The following EMC10 variants were observed in gnomAD, a reference collection of about 807,000 sequenced individuals.
The protein encoded by EMC10 is UPF0510 protein INM02.
Under a neutral mutation model 32.2 loss-of-function variants are expected in EMC10, and 40 were observed. The observed-to-expected ratio is 1.24, with a 90% CI of 0.96 to 1.61. The LOEUF (loss-of-function observed/expected upper bound fraction) is 1.61, where lower values mean the gene tolerates loss of function less well. Among genes scored for constraint, EMC10 ranks in the 40% most tolerant of loss-of-function variants. The probability of loss-of-function intolerance (pLI) is 0.00; values close to 1 mark genes in which losing one functional copy is unlikely to be tolerated. For missense variants in EMC10, 402 were observed against 357.7 expected (o/e 1.12, Z -1.00); for synonymous variants, 178 against 158.4 (o/e 1.12, Z -0.93).
Position 50,483,905 on chromosome 19 carries a change from A to G in EMC10, c.*1646A>G, listed in dbSNP as rs1402068257. The G allele has an allele frequency of 6.6e-6, 1 of 150,966 alleles. No individual in the cohort carries two copies. The highest frequency in any genetic ancestry group is 2.4e-5 in the African/African-American group (1 of 40,982). 9.4% of individuals were successfully genotyped at this position (150,966 alleles called of 1,614,324 possible). A position where few individuals can be genotyped will look rare whatever the true frequency, so the allele number is the denominator to read the frequency against. The stretch of plus-strand genomic sequence containing the variant: ...TAAAGAAGATAGTCTTAGCATTGCT[A>G]ACTTCTGTTTCTTTCTCCACCTGCA... On this transcript the variant is annotated 3_prime_UTR_variant, in exon 7 of 7. Coordinates refer to ENST00000334976, the MANE Select transcript of EMC10 (RefSeq NM_206538.4).
At position 50,480,123 on chromosome 19, in the gene EMC10, C is replaced by G. The variant is rs752679243; in HGVS notation, c.310C>G (p.Leu104Val). Residue 104 changes from leucine to valine, a missense_variant, in exon 4 of 7, where the codon CTG becomes GTG. Leu to Val is a conservative substitution (Grantham distance 32). Coordinates refer to ENST00000334976, the MANE Select transcript of EMC10 (RefSeq NM_206538.4). This position sits in a 1 kb window ranked among gnomAD's most constrained non-coding sequence, Gnocchi z 4.4. ...CTCCCATCCCCAGGATGTGGCAGCC[C>G]TGAATGGCCTGTACCGGGTCCGGAT... ...ERGRLRDVAA[L>V]NGLYRVRIPR... is the part of the protein sequence containing the mutation. The G allele has an allele frequency of 3.7e-6, 6 of 1,610,966 alleles. No homozygotes were observed. The East Asian group carries it at 1.1e-4, about 30-fold the overall frequency.
chr19:50,480,032 G>T lies in EMC10; in HGVS notation c.298-79G>T, dbSNP rs1157593457. ...TGGGTGGGGCTGGAGAGGGGCCTTC[G>T]CGGAGGCCTGGTGGGCATCACAGCC... On this transcript the variant is annotated intron_variant, in intron 3 of 6. Coordinates refer to ENST00000334976, the MANE Select transcript of EMC10 (RefSeq NM_206538.4). This position sits in a 1 kb window ranked among gnomAD's most constrained non-coding sequence, Gnocchi z 4.4. The T allele has an allele frequency of 3.3e-6, 4 of 1,197,480 alleles. No individual in the cohort carries two copies. The highest frequency in any genetic ancestry group is 2.3e-5 in the Admixed American group (1 of 43,388). The allele number at this position is 1,197,480 out of a possible 1,614,324, so 74.2% of individuals were successfully genotyped here.
intron 2 of EMC10, 119 bp from the exon 3 acceptor site, chr19:50,478,838 A>T: frequency 1.5e-6 from 1 of 688,910 alleles, no homozygotes; most frequent in Non-Finnish European, 2.5e-6. Flanking sequence ...CCAGATGGGG[A>T]GGGAACCTGG....
At chr19:50,481,283 C>A in intron 6 of EMC10, 1 of 348,440 alleles carries the variant, frequency 2.9e-6, no homozygotes. Flanking sequence ...ACCAGGGAGG[C>A]TTGGAAAGGA....
intron 1 of EMC10, among the ~76,000 whole-genome samples, chr19:50,477,470 T>C (rs2040246183): frequency 6.6e-6 from 1 of 152,188 alleles, no homozygotes; most frequent in South Asian, 2.1e-4. Flanking sequence ...CTCCTAAATA[T>C]GCGTGAGTAT....
At position 50,482,816 on chromosome 19, in the gene EMC10, CG is replaced by C; in HGVS notation, c.*562del. On this transcript the variant is annotated 3_prime_UTR_variant, in exon 7 of 7. Coordinates refer to ENST00000334976, the MANE Select transcript of EMC10 (RefSeq NM_206538.4). ...CATGAAAGAGTCGGGGCTGGATGGC[CG>C]GGGGCTTCTGGGCCCGACGCCTAGT... 5.7e-6 allele frequency: 3 copies of C among 529,124 alleles called. No homozygotes were observed. In the South Asian group the frequency reaches 9.1e-5, roughly 16 times the overall value. The allele number at this position is 529,124 out of a possible 1,614,324, so 32.8% of individuals were successfully genotyped here. A position where few individuals can be genotyped will look rare whatever the true frequency, so the allele number is the denominator to read the frequency against.
chr19:50,476,516 C>A lies in EMC10; in HGVS notation c.-29C>A, dbSNP rs111640675. The A allele has an allele frequency of 1.9e-6, 3 of 1,569,024 alleles. No homozygotes were observed. The highest frequency in any genetic ancestry group is 1.8e-5 in the Admixed American group (1 of 56,284). On this transcript the variant is annotated 5_prime_UTR_variant, in exon 1 of 7. Transcript: ENST00000334976. ...TGCTCCGCGGCTCTTGGCTCACAGC[C>A]GTCCCTTCGCTGGTGGGAAGAAGCC...
chr19:50,481,767 C>G lies in EMC10; in HGVS notation c.679-382C>G, dbSNP rs901735433. On this transcript the variant is annotated intron_variant, in intron 6 of 6. Transcript: ENST00000334976. Reference sequence around the variant, plus strand: ...CTGAGCCCTTGCCTGCTGGGCCCTGCCCTGCTGCCCACTCGAGCGCCCTCC... The same window carrying G: ...CTGAGCCCTTGCCTGCTGGGCCCTGGCCTGCTGCCCACTCGAGCGCCCTCC... 2.6e-5 allele frequency: 29 copies of G among 1,104,368 alleles called. No individual in the cohort carries two copies. The African/African-American group carries it at 4.3e-4, about 16-fold the overall frequency. 68.4% of individuals were successfully genotyped at this position (1,104,368 alleles called of 1,614,324 possible). A position where few individuals can be genotyped will look rare whatever the true frequency, so the allele number is the denominator to read the frequency against.
rs1372798214 is a variant in EMC10 at position 50,485,887 on chromosome 19, G to A, written c.*3628G>A. On this transcript the variant is annotated 3_prime_UTR_variant, in exon 7 of 7. Coordinates refer to ENST00000334976, the MANE Select transcript of EMC10 (RefSeq NM_206538.4). ...CTCAATCCTCATTCTCTGCCTCCTG[G>A]ACCCTCATCCTAGCCTCGTGACTTC... is the stretch of plus-strand genomic sequence containing the variant. The A allele has an allele frequency of 6.6e-6, 1 of 152,168 alleles. No homozygotes were observed. The allele number at this position is 152,168 out of a possible 1,614,324, so 9.4% of individuals were successfully genotyped here. A position where few individuals can be genotyped will look rare whatever the true frequency, so the allele number is the denominator to read the frequency against.
At chr19:50,478,869 C>A in intron 2 of EMC10, 88 bp from the exon 3 acceptor site, 1 of 1,062,272 alleles carries the variant, frequency 9.4e-7, no homozygotes, top group Non-Finnish European at 1.4e-6. Flanking sequence ...GGAGGCCAGG[C>A]CAAAATTTGA....
In EMC10 at chr19:50,482,142, G is replaced by A. The variant is rs749492396; in HGVS notation, c.679-7G>A. 2 of 1,569,472 alleles carry A rather than the reference G, an allele frequency of 1.3e-6. No homozygotes were observed. The highest frequency in any genetic ancestry group is 1.8e-6 in the Non-Finnish European group (2 of 1,139,872). ...GTCTGTCTGTCCATCCTTCCGTCCGGCTGCAGTGGATGTACATCATTCCCG... is the reference window on the plus strand; with the variant it reads ...GTCTGTCTGTCCATCCTTCCGTCCGACTGCAGTGGATGTACATCATTCCCG... On this transcript the variant is annotated splice_region_variant and splice_polypyrimidine_tract_variant and intron_variant, in intron 6 of 6. Coordinates refer to ENST00000334976, the MANE Select transcript of EMC10 (RefSeq NM_206538.4).
chr19:50,482,952 TAAGA>T lies in EMC10; in HGVS notation c.*700_*703del. 1.7e-6 allele frequency: 1 copy of T among 579,038 alleles called. No homozygotes were observed. The highest frequency in any genetic ancestry group is 2.0e-5 in the South Asian group (1 of 48,902). 35.9% of individuals were successfully genotyped at this position (579,038 alleles called of 1,614,324 possible). A position where few individuals can be genotyped will look rare whatever the true frequency, so the allele number is the denominator to read the frequency against. ...GCTTCCAGACTTGAAGGAAAAGGTT[TAAGA>T]AAGAAAACAAAACCAACAGTTAGTG... On this transcript the variant is annotated 3_prime_UTR_variant, in exon 7 of 7. Transcript: ENST00000334976.
In EMC10 at chr19:50,480,965, C is replaced by T. The variant is rs763475237; in HGVS notation, c.666C>T (p.Phe222=). 10 of 1,611,860 alleles carry T rather than the reference C, an allele frequency of 6.2e-6. No individual in the cohort carries two copies. Among genetic ancestry groups the T allele is most frequent in the African/African-American group, 1.3e-5 (1 of 74,886 alleles). The change falls in exon 6 of 7, where the codon TTC becomes TTT. Residue 222 remains phenylalanine (F), a synonymous_variant. Coordinates refer to ENST00000334976, the MANE Select transcript of EMC10 (RefSeq NM_206538.4). This position sits in a 1 kb window ranked among gnomAD's most constrained non-coding sequence, Gnocchi z 4.4. ...AGAACCCCCAGGAGCAGAAGTCCTTCTTCGCCAAATACGTGAGTGGGGCTC... is the reference window on the plus strand; with the variant it reads ...AGAACCCCCAGGAGCAGAAGTCCTTTTTCGCCAAATACGTGAGTGGGGCTC... ...KAKNPQEQKS[F]FAKYWMYIIP...
chr19:50,477,964 C>T lies in EMC10; in HGVS notation c.150C>T (p.Gly50=), dbSNP rs770603556. The T allele has an allele frequency of 1.9e-6, 3 of 1,602,292 alleles. No individual in the cohort carries two copies. The highest frequency in any genetic ancestry group is 2.3e-5 in the East Asian group (1 of 43,928). Residue 50 remains glycine (G), a synonymous_variant, in exon 2 of 7, where the codon GGC becomes GGT. Coordinates refer to ENST00000334976, the MANE Select transcript of EMC10 (RefSeq NM_206538.4). ...GAEGREGEAC[G]TVGLLLEHSF... The stretch of plus-strand genomic sequence containing the variant: ...AAGGTCGAGAGGGCGAGGCCTGTGG[C>T]ACGGTGGGGCTGCTGCTGGAGCACT...
chr19:50,478,125 CAGGTT>C (rs1349142010), intron 2 of EMC10, 124 bp downstream of exon 2: 13 of 794,172 alleles, frequency 1.6e-5, no homozygotes, highest in Non-Finnish European at 2.4e-5. Context: ...AGATTTGCCT[CAGGTT>C]AGGGGAAAGT....
chr19:50,481,814 C>A, intron 6 of EMC10: 1 of 1,493,262 alleles, frequency 6.7e-7, no homozygotes, highest in Non-Finnish European at 8.9e-7. Flanking sequence ...GGCCCTCAGG[C>A]CCCACGGCAG....
rs202184639 is a variant in EMC10, at chr19:50,480,803, C to T, written c.584+41C>T. 4.9e-3 allele frequency: 7,647 copies of T among 1,566,812 alleles called. 33 individuals are homozygous for T. The highest frequency in any genetic ancestry group is 8.0e-3 in the Middle Eastern group (47 of 5,840). ...CTTCGCGGCGCTCTTGCCACCTGCC[C>T]CGGCCCTTCCTGGCGGCCTCAGGGT... On this transcript the variant is annotated intron_variant, in intron 5 of 6. Transcript: ENST00000334976. The surrounding 1 kb of genome is among the most constrained non-coding windows in gnomAD (Gnocchi z 4.4).
At chr19:50,477,613 A>C (rs2122654608) in intron 1 of EMC10, among the ~76,000 whole-genome samples, 1 of 152,282 alleles carries the variant, frequency 6.6e-6, no homozygotes, top group South Asian at 2.1e-4. Context: ...ATGAAAAAGA[A>C]GGCTTGGGAG....
chr19:50,483,901 T>C lies in EMC10; in HGVS notation c.*1642T>C, dbSNP rs550493530. On this transcript the variant is annotated 3_prime_UTR_variant, in exon 7 of 7. Coordinates refer to ENST00000334976, the MANE Select transcript of EMC10 (RefSeq NM_206538.4). Reference sequence around the variant, plus strand: ...TTAATAAAGAAGATAGTCTTAGCATTGCTAACTTCTGTTTCTTTCTCCACC... The same window carrying C: ...TTAATAAAGAAGATAGTCTTAGCATCGCTAACTTCTGTTTCTTTCTCCACC... 3.3e-5 allele frequency: 5 copies of C among 152,046 alleles called. 1 individual carries two copies. The highest frequency in any genetic ancestry group is 9.6e-5 in the African/African-American group (4 of 41,462). The allele number at this position is 152,046 out of a possible 1,614,324, so 9.4% of individuals were successfully genotyped here. A position where few individuals can be genotyped will look rare whatever the true frequency, so the allele number is the denominator to read the frequency against.
Sources: gnomAD v4.1 joint callset for allele counts (sites outside exome capture counted in the v4.1 genomes callset) on GRCh38, gnomAD v4.1.1 for gene constraint, Gnocchi (gnomAD v3.1) non-coding constraint, MANE v1.5 for transcripts, NCBI Gene and HGNC (gene_info 2026-07-23, HGNC 2026-07-21) for gene names.